The following ENPP6 variants were observed in gnomAD, a reference collection of about 807,000 sequenced individuals.
The protein encoded by ENPP6 is glycerophosphocholine cholinephosphodiesterase ENPP6.
In ENPP6, 32 loss-of-function variants were observed where a neutral mutation model predicts 42.0. That is an observed-to-expected ratio of 0.76 (90% CI 0.58 to 1.02). The LOEUF (loss-of-function observed/expected upper bound fraction) is 1.02. Among genes scored for constraint, ENPP6 ranks in the 50% least tolerant of loss-of-function variants. The pLI, the probability that ENPP6 is intolerant of heterozygous loss-of-function variation, is 0.00. For synonymous variants in ENPP6, 213 were observed against 216.0 expected, an observed-to-expected ratio of 0.99 and a Z score of 0.12; for missense variants, 552 against 566.8, an observed-to-expected ratio of 0.97 and a Z score of 0.27.
At chr4:184,196,899 C>G (rs912608340) in intron 1 of ENPP6, among the ~76,000 whole-genome samples, 2 of 152,172 alleles carry the variant, frequency 1.3e-5, no homozygotes, top group Non-Finnish European at 2.9e-5. Flanking sequence ...CTGATGTCCC[C>G]TGAGGGAATC....
At chr4:184,180,660 C>A (rs193178338) in intron 1 of ENPP6, among the ~76,000 whole-genome samples, 1 of 152,312 alleles carries the variant, frequency 6.6e-6, no homozygotes, top group Non-Finnish European at 1.5e-5. Flanking sequence ...AGCTTATCCA[C>A]CGTAGTGGAG....
intron 2 of ENPP6, among the ~76,000 whole-genome samples, chr4:184,131,517 C>T (rs1412772285): frequency 2.4e-5 from 2 of 81,688 alleles, no homozygotes; most frequent in African/African-American, 5.9e-5. Context: ...CCATGCCCAG[C>T]TAATTTTTTT....
At chr4:184,140,491 A>T (rs555457337) in intron 2 of ENPP6, among the ~76,000 whole-genome samples, 1,608 of 148,466 alleles carry the variant, frequency 0.011, 26 homozygotes, top group Middle Eastern at 0.064. Flanking sequence ...TTCAAACTAT[A>T]CTACAAGGCT....
intron 1 of ENPP6, among the ~76,000 whole-genome samples, chr4:184,208,936 C>T (rs1361768740): frequency 1.4e-5 from 2 of 143,860 alleles, no homozygotes; most frequent in Non-Finnish European, 3.1e-5. Context: ...CCCCTGACCC[C>T]CGAGCAGCCT....
intron 3 of ENPP6, among the ~76,000 whole-genome samples, chr4:184,121,189 CT>C (rs1260692605): frequency 1.3e-5 from 2 of 152,222 alleles, no homozygotes; most frequent in Non-Finnish European, 2.9e-5. Flanking sequence ...TTCCCTCCTC[CT>C]TTTCCCTATT....
In ENPP6 at chr4:184,217,744, G is replaced by C. The variant is rs1405011574; in HGVS notation, c.76C>G (p.Leu26Val). The change falls in exon 1 of 8, where the codon CTG (leucine) becomes GTG (valine). Residue 26 changes from leucine to valine, a missense_variant. Physicochemically the swap from Leu to Val is conservative, Grantham distance 32. Transcript: ENST00000296741. ...AAACCATCCAGCAGAAACACCAGCA[G>C]CTTCCGGCGGGCAGAGGCTGGCTGG... Reference protein sequence around the residue: ...LAQPASARRKLLVFLLDGFRS... With the variant: ...LAQPASARRKVLVFLLDGFRS... 6.2e-6 allele frequency: 10 copies of C among 1,614,204 alleles called. No individual in the cohort carries two copies. Among genetic ancestry groups the C allele is most frequent in the Admixed American group, 3.3e-5 (2 of 60,030 alleles).
intron 1 of ENPP6, among the ~76,000 whole-genome samples, chr4:184,198,058 G>T (rs904549541): frequency 6.6e-6 from 1 of 152,224 alleles, no homozygotes; most frequent in African/African-American, 2.4e-5. Context: ...ATGGAGCTTG[G>T]CCAGAAGAAT....
Position 184,091,231 on chromosome 4 carries a change from A to AGGCGG in ENPP6, c.1264_1268dup (p.Val424ArgfsTer12). On this transcript the variant is annotated frameshift_variant, in exon 8 of 8. Transcript: ENST00000296741. LOFTEE classifies it low-confidence loss of function (END_TRUNC). ...CCAGGGCACAGTGGCTGGGCCAGAC[A>AGGCGG]GGCGGGGCAGTGCTGGCGCGGCCCT... is the stretch of plus-strand genomic sequence containing the variant. 6.3e-7 allele frequency: 1 copy of AGGCGG among 1,588,568 alleles called. No individual in the cohort carries two copies.
intron 6 of ENPP6, among the ~76,000 whole-genome samples, chr4:184,105,476 G>A (rs953544032): frequency 6.6e-6 from 1 of 152,170 alleles, no homozygotes; most frequent in Non-Finnish European, 1.5e-5. Flanking sequence ...AACTGGATGG[G>A]ACTGTGTGCT....
intron 2 of ENPP6, 35 bp downstream of exon 2, chr4:184,153,519 G>A: frequency 6.3e-6 from 10 of 1,585,778 alleles, no homozygotes; most frequent in Non-Finnish European, 8.6e-6. Flanking sequence ...ACTCTATGAT[G>A]ATTTGAGATT....
chr4:184,195,628 C>T (rs768162220), intron 1 of ENPP6, among the ~76,000 whole-genome samples: 14 of 152,304 alleles, frequency 9.2e-5, no homozygotes, highest in Non-Finnish European at 1.5e-4. Context: ...TCGCCTTCTA[C>T]GCTCTGTCTC....
chr4:184,208,788 G>A (rs984438556), intron 1 of ENPP6, among the ~76,000 whole-genome samples: 3 of 143,706 alleles, frequency 2.1e-5, no homozygotes, highest in Non-Finnish European at 3.1e-5. Context: ...CTGGGGGCAG[G>A]GCACAGACAA....
intron 1 of ENPP6, among the ~76,000 whole-genome samples, chr4:184,209,096 C>T (rs1452150812): frequency 6.7e-6 from 1 of 150,044 alleles, no homozygotes; most frequent in East Asian, 1.9e-4. Context: ...ACATCACCGT[C>T]ATCAAAGACC....
At chr4:184,155,872 A>C (rs919314663) in intron 1 of ENPP6, among the ~76,000 whole-genome samples, 1 of 152,152 alleles carries the variant, frequency 6.6e-6, no homozygotes, top group African/African-American at 2.4e-5. Flanking sequence ...CATATTTAGC[A>C]CTCTGGACTC....
chr4:184,184,631 G>T lies in ENPP6; in HGVS notation c.242-30898C>A, dbSNP rs187363950. On this transcript the variant is annotated intron_variant, in intron 1 of 7. Coordinates refer to ENST00000296741, the MANE Select transcript of ENPP6 (RefSeq NM_153343.4). This position sits in a 1 kb window ranked among gnomAD's most constrained non-coding sequence, Gnocchi z 4.7. ...AAGTTAAGGGTTTCAGGATGAGGTC[G>T]TCCTGGGTGATCCAATGGTCCTGCA... Among the ~76,000 whole-genome samples, 1 of 152,220 alleles carries T rather than the reference G, an allele frequency of 6.6e-6. No homozygotes were observed. Among genetic ancestry groups the T allele is most frequent in the Non-Finnish European group, 1.5e-5 (1 of 67,996 alleles).
chr4:184,146,994 C>T (rs368914784), intron 2 of ENPP6, among the ~76,000 whole-genome samples: 27 of 152,300 alleles, frequency 1.8e-4, no homozygotes, highest in African/African-American at 5.5e-4. Flanking sequence ...ACCTCTGATG[C>T]GTCATTGAGT....
intron 6 of ENPP6, among the ~76,000 whole-genome samples, chr4:184,105,689 A>G (rs952030909): frequency 1.3e-5 from 2 of 152,170 alleles, no homozygotes; most frequent in African/African-American, 4.8e-5. Flanking sequence ...TAAAATCCCC[A>G]TATTTTTATT....
chr4:184,206,421 C>A lies in ENPP6; in HGVS notation c.241+11158G>T, dbSNP rs1376285737. 1.7e-5 allele frequency among the ~76,000 whole-genome samples: 2 copies of A among 117,660 alleles called. 1 individual carries two copies. Among genetic ancestry groups the A allele is most frequent in the Non-Finnish European group, 3.5e-5 (2 of 56,804 alleles). 77.2% of individuals were successfully genotyped at this position (117,660 alleles called of 152,430 possible). A position where few individuals can be genotyped will look rare whatever the true frequency, so the allele number is the denominator to read the frequency against. On this transcript the variant is annotated intron_variant, in intron 1 of 7. Transcript: ENST00000296741. ...TACAGGCGGGCGCCACCAGGCCCGGCTAATTTTTGTATTTTTAGTAGAGAC... is the reference window on the plus strand; with the variant it reads ...TACAGGCGGGCGCCACCAGGCCCGGATAATTTTTGTATTTTTAGTAGAGAC...
intron 2 of ENPP6, among the ~76,000 whole-genome samples, chr4:184,147,394 T>C (rs1228141797): frequency 6.6e-6 from 1 of 152,144 alleles, no homozygotes; most frequent in African/African-American, 2.4e-5. Flanking sequence ...CCATTCAGGC[T>C]GCAGCCGGAG....
Sources: allele counts gnomAD v4.1 joint callset (sites outside exome capture counted in the v4.1 genomes callset), GRCh38; gene constraint gnomAD v4.1.1; non-coding constraint Gnocchi (gnomAD v3.1); transcripts MANE v1.5; gene names NCBI Gene and HGNC (gene_info 2026-07-23, HGNC 2026-07-21).